The following MEMO1 variants were observed in gnomAD, a reference collection of about 807,000 sequenced individuals.
MEMO1 encodes mediator of cell motility 1.
A neutral mutation model predicts 45.2 loss-of-function variants in MEMO1; 6 were observed. The ratio of observed to expected loss-of-function variants is 0.13; its 90% CI spans 0.07 to 0.26. The LOEUF is 0.26. Ranked by LOEUF, MEMO1 falls within the 10% of genes least tolerant of loss-of-function variation. MEMO1 has a pLI of 1.00. For missense variants in MEMO1, 184 were observed against 370.5 expected (o/e 0.50, Z 4.13); for synonymous variants, 78 against 124.3 (o/e 0.63, Z 2.48).
chr2:31,963,349 T>G lies in MEMO1; in HGVS notation c.62-19966A>C, dbSNP rs1416954030. On this transcript the variant is annotated intron_variant, in intron 2 of 9. Transcript: ENST00000404530. ...ATAGTTATAAAGGTGTAGACACACA[T>G]ACCCTACTGGTTCTGTTTCTCTGAA... 5 of 1,263,626 alleles carry G rather than the reference T, an allele frequency of 4.0e-6. No homozygotes were observed. The African/African-American group carries it at 7.5e-5, about 19-fold the overall frequency. The allele number at this position is 1,263,626 out of a possible 1,614,324, so 78.3% of individuals were successfully genotyped here.
chr2:31,901,272 C>T (rs745929914), intron 6 of MEMO1, among the ~76,000 whole-genome samples: 6 of 140,128 alleles, frequency 4.3e-5, no homozygotes, highest in East Asian at 2.3e-4. Context: ...ACTTGGGAGG[C>T]GGAGGCAGAA....
chr2:31,897,565 G>A (rs941106681), intron 6 of MEMO1, among the ~76,000 whole-genome samples: 1 of 152,200 alleles, frequency 6.6e-6, no homozygotes, highest in Non-Finnish European at 1.5e-5. Flanking sequence ...CAGGGATGAA[G>A]CCAAATTGAT....
chr2:31,888,198 T>C (rs961402295), intron 7 of MEMO1, among the ~76,000 whole-genome samples: 2 of 152,062 alleles, frequency 1.3e-5, no homozygotes, highest in Non-Finnish European at 2.9e-5. Flanking sequence ...TATTTTTTGT[T>C]AGAGATGAGG....
At chr2:31,950,314 G>A (rs1318514958) in intron 2 of MEMO1, among the ~76,000 whole-genome samples, 1 of 151,782 alleles carries the variant, frequency 6.6e-6, no homozygotes, top group Non-Finnish European at 1.5e-5. Context: ...CTGGAAGGCA[G>A]AGGTTGCAGT....
chr2:31,943,505 A>G (rs1180345266), intron 2 of MEMO1, 122 bp from the exon 3 acceptor site: 18 of 729,616 alleles, frequency 2.5e-5, no homozygotes, highest in Non-Finnish European at 4.4e-5. Context: ...CAATAGGATC[A>G]TCAGTTGGGA....
At chr2:31,969,262 G>A (rs1204035189) in intron 2 of MEMO1, among the ~76,000 whole-genome samples, 1 of 149,468 alleles carries the variant, frequency 6.7e-6, no homozygotes, top group Non-Finnish European at 1.5e-5. Context: ...AGGCTACAAA[G>A]CTATATATAT....
chr2:31,961,626 A>C (rs1394922925), intron 2 of MEMO1, among the ~76,000 whole-genome samples: 3 of 151,720 alleles, frequency 2.0e-5, no homozygotes, highest in African/African-American at 2.4e-5. Flanking sequence ...AACAAAAAAA[A>C]AACTAGCTAG....
chr2:31,998,927 A>C (rs967808284), intron 2 of MEMO1, among the ~76,000 whole-genome samples: 3 of 152,208 alleles, frequency 2.0e-5, no homozygotes, highest in African/African-American at 7.2e-5. Context: ...TCTCAAACTT[A>C]AAATAACAAA....
At chr2:31,952,977 T>C (rs1275736078) in intron 2 of MEMO1, among the ~76,000 whole-genome samples, 2 of 152,258 alleles carry the variant, frequency 1.3e-5, no homozygotes, top group African/African-American at 2.4e-5. Context: ...ACTGTTTCCT[T>C]AAACATTAAT....
chr2:31,978,155 G>C (rs1313278221), intron 2 of MEMO1, among the ~76,000 whole-genome samples: 1 of 152,078 alleles, frequency 6.6e-6, no homozygotes, highest in Non-Finnish European at 1.5e-5. Flanking sequence ...GGTAAGTCAA[G>C]GCGGGAGGAT....
At chr2:31,986,706 A>G (rs573432126) in intron 2 of MEMO1, among the ~76,000 whole-genome samples, 13 of 152,340 alleles carry the variant, frequency 8.5e-5, no homozygotes, top group African/African-American at 2.9e-4. Flanking sequence ...TAAAGGAGAC[A>G]GGCAGACAGT....
intron 6 of MEMO1, among the ~76,000 whole-genome samples, chr2:31,902,726 C>G (rs1249472619): frequency 6.6e-6 from 1 of 152,062 alleles, no homozygotes; most frequent in Non-Finnish European, 1.5e-5. Context: ...AAGAACCTCC[C>G]CCTCACATTT....
chr2:31,932,018 C>T (rs759169335), intron 4 of MEMO1, 49 bp downstream of exon 4: 44 of 1,492,148 alleles, frequency 2.9e-5, no homozygotes, highest in East Asian at 6.8e-5. Flanking sequence ...TATAACAAAG[C>T]AATAAATTCT....
At chr2:31,879,676 T>A (rs934780647) in intron 8 of MEMO1, among the ~76,000 whole-genome samples, 3 of 152,202 alleles carry the variant, frequency 2.0e-5, no homozygotes, top group Admixed American at 6.5e-5. Flanking sequence ...TATAATATAA[T>A]CAAGATAGAT....
intron 1 of MEMO1, chr2:32,010,496 G>C: frequency 3.0e-6 from 1 of 333,686 alleles, no homozygotes; most frequent in South Asian, 3.1e-5. Context: ...ACCGCCGGAA[G>C]ATGGGGCCCA....
At chr2:31,914,134 C>A (rs1223544242) in intron 6 of MEMO1, among the ~76,000 whole-genome samples, 1 of 152,084 alleles carries the variant, frequency 6.6e-6, no homozygotes, top group Middle Eastern at 3.2e-3. Context: ...GCACCACGGC[C>A]CCAGAGAGGA....
intron 8 of MEMO1, among the ~76,000 whole-genome samples, chr2:31,876,146 T>C (rs1674529506): frequency 1.3e-5 from 2 of 152,202 alleles, no homozygotes; most frequent in South Asian, 4.1e-4. Flanking sequence ...CCCTGCCTCT[T>C]TTATACACAC....
chr2:31,972,476 C>T (rs1180214288), intron 2 of MEMO1, among the ~76,000 whole-genome samples: 1 of 152,040 alleles, frequency 6.6e-6, no homozygotes, highest in African/African-American at 2.4e-5. Context: ...TTTGGGAGGC[C>T]GAGGCAGGTG....
chr2:31,875,472 T>C (rs1275087926), intron 8 of MEMO1, among the ~76,000 whole-genome samples: 2 of 152,218 alleles, frequency 1.3e-5, no homozygotes, highest in Non-Finnish European at 2.9e-5. Context: ...AATGATCTAC[T>C]GAGACCTCCC....
Sources: gnomAD v4.1 joint callset for allele counts (sites outside exome capture counted in the v4.1 genomes callset) on GRCh38, gnomAD v4.1.1 for gene constraint, MANE v1.5 for transcripts, NCBI Gene and HGNC (gene_info 2026-07-23, HGNC 2026-07-21) for gene names.